RSPH14: variants seen among roughly 807,000 people sequenced by gnomAD.
The protein encoded by RSPH14 is rhabdoid tumor deletion region gene 1.
A neutral mutation model predicts 26.7 loss-of-function variants in RSPH14; 20 were observed. That is an observed-to-expected ratio of 0.75 (90% CI 0.53 to 1.09). The LOEUF (loss-of-function observed/expected upper bound fraction) is 1.09, where lower values mean the gene tolerates loss of function less well. RSPH14 is among the 50% of genes least tolerant of loss of function. RSPH14 has a pLI of 0.00. For missense variants in RSPH14, 449 were observed against 457.2 expected, an observed-to-expected ratio of 0.98 and a Z score of 0.16; for synonymous variants, 177 against 189.3, an observed-to-expected ratio of 0.93 and a Z score of 0.53.
the RSPH14 span, among the ~76,000 whole-genome samples, chr22:23,175,127 CT>C: frequency 2.7e-5 from 4 of 150,868 alleles, no homozygotes; most frequent in Non-Finnish European, 5.9e-5. Context: ...CTCCGAGTAG[CT>C]GGGACTACAG....
chr22:23,090,409 A>T (rs1452375686), intron 4 of RSPH14, among the ~76,000 whole-genome samples: 1 of 151,884 alleles, frequency 6.6e-6, no homozygotes, highest in Non-Finnish European at 1.5e-5. Flanking sequence ...CTCCCCTTTT[A>T]TCACCTGGAT....
chr22:23,085,928 C>T (rs920238177), intron 4 of RSPH14, among the ~76,000 whole-genome samples: 3 of 152,244 alleles, frequency 2.0e-5, no homozygotes, highest in Non-Finnish European at 4.4e-5. Context: ...AGTTTGGTGC[C>T]AACGTGGCTC....
At chr22:23,156,080 C>T in the RSPH14 span, 3 of 1,527,942 alleles carry the variant, frequency 2.0e-6, no homozygotes, top group Non-Finnish European at 2.7e-6. Context: ...GCAGCGGGGT[C>T]CCTGCCGGGC....
At chr22:23,132,250 T>C in intron 4 of RSPH14, among the ~76,000 whole-genome samples, 1 of 152,182 alleles carries the variant, frequency 6.6e-6, no homozygotes, top group East Asian at 1.9e-4. Flanking sequence ...TGGGCTACAA[T>C]ATCTGTTTGT....
At chr22:23,069,131 G>A (rs1288838768) in intron 4 of RSPH14, among the ~76,000 whole-genome samples, 1 of 152,220 alleles carries the variant, frequency 6.6e-6, no homozygotes, top group Non-Finnish European at 1.5e-5. Context: ...ATGATGCTGA[G>A]ATGCCACAGT....
the RSPH14 span, chr22:23,150,082 G>A: frequency 6.2e-7 from 1 of 1,611,512 alleles, no homozygotes; most frequent in Non-Finnish European, 8.5e-7. Flanking sequence ...CCGGAAGCCT[G>A]TTTGCAGCTC....
chr22:23,066,646 C>G (rs1266279887), intron 4 of RSPH14, among the ~76,000 whole-genome samples: 5 of 152,214 alleles, frequency 3.3e-5, no homozygotes, highest in Non-Finnish European at 7.3e-5. Flanking sequence ...CTATTTATAA[C>G]TAACCCAGAT....
At chr22:23,094,189 G>A (rs923795305) in intron 4 of RSPH14, among the ~76,000 whole-genome samples, 3 of 152,136 alleles carry the variant, frequency 2.0e-5, no homozygotes, top group Non-Finnish European at 2.9e-5. Flanking sequence ...GGCTGCGTGG[G>A]TCTCCGGACA....
the RSPH14 span, chr22:23,161,589 G>C: frequency 1.5e-5 from 24 of 1,561,982 alleles, no homozygotes; most frequent in African/African-American, 2.8e-4. Context: ...GAAGGCCTCC[G>C]CTCCCTGCAC....
chr22:23,124,212 T>G (rs1316524893), intron 4 of RSPH14: 1 of 212,050 alleles, frequency 4.7e-6, no homozygotes, highest in African/African-American at 2.4e-5. Context: ...TTTTGTTTTT[T>G]GGTTTTTTTT....
At chr22:23,167,288 C>A in the RSPH14 span, among the ~76,000 whole-genome samples, 1 of 152,196 alleles carries the variant, frequency 6.6e-6, no homozygotes, top group Non-Finnish European at 1.5e-5. Context: ...CTCAGGGTCC[C>A]CCAGCTGAGC....
At chr22:23,160,849 T>G in the RSPH14 span, 1 of 1,603,860 alleles carries the variant, frequency 6.2e-7, no homozygotes, top group South Asian at 1.1e-5. Context: ...GAAACACTGA[T>G]GAGGTCCCGG....
Position 23,062,318 on chromosome 22 carries a change from AG to A in RSPH14, c.654-374del, listed in dbSNP as rs573219909. Among the ~76,000 whole-genome samples, 766 of 152,358 alleles carry A rather than the reference AG, an allele frequency of 5.0e-3. 4 individuals are homozygous for A. Among genetic ancestry groups the A allele is most frequent in the African/African-American group, 0.018 (730 of 41,574 alleles). On this transcript the variant is annotated intron_variant, in intron 5 of 6. Coordinates refer to ENST00000216036, the MANE Select transcript of RSPH14 (RefSeq NM_014433.3). ...AGCCAGAGCTGACAGTGATGGGCCA[AG>A]CTGCCCCCAACAGCAGCAGCTGCCG...
At chr22:23,165,962 T>C in the RSPH14 span, among the ~76,000 whole-genome samples, 87 of 152,044 alleles carry the variant, frequency 5.7e-4, no homozygotes, top group South Asian at 1.9e-3. Context: ...CTGGCTAACA[T>C]GGTGAAACCC....
intron 4 of RSPH14, among the ~76,000 whole-genome samples, chr22:23,100,694 G>A (rs2146330655): frequency 6.6e-6 from 1 of 152,370 alleles, no homozygotes; most frequent in African/African-American, 2.4e-5. Flanking sequence ...AGAGGGCCTG[G>A]CACACAGTGG....
At chr22:23,081,777 G>A (rs5759581) in intron 4 of RSPH14, among the ~76,000 whole-genome samples, 47,870 of 141,288 alleles carry the variant, frequency 0.34, 8,764 homozygotes, top group African/African-American at 0.5. Flanking sequence ...AGCCGAGATC[G>A]TGCCACTGCA....
chr22:23,136,630 G>A lies in RSPH14; in HGVS notation c.302+2210C>T, dbSNP rs147780841. ...TCCTTACTACCATTCATTATAAGTA[G>A]GTTGATGCAAAAGTAATTGCGGTTT... On this transcript the variant is annotated intron_variant, in intron 3 of 6. Transcript: ENST00000216036. Among the ~76,000 whole-genome samples the A allele has an allele frequency of 1.4e-5, 2 of 138,576 alleles. 1 individual carries two copies. The highest frequency in any genetic ancestry group is 4.6e-4 in the East Asian group (2 of 4,392). The allele number at this position is 138,576 out of a possible 152,430, so 90.9% of individuals were successfully genotyped here. A position where few individuals can be genotyped will look rare whatever the true frequency, so the allele number is the denominator to read the frequency against.
At chr22:23,160,824 A>C in the RSPH14 span, 7 of 1,582,878 alleles carry the variant, frequency 4.4e-6, no homozygotes, top group Non-Finnish European at 6.0e-6. Context: ...ACCCAGATGC[A>C]TTAAGGGGCA....
Position 23,059,636 on chromosome 22 carries a change from A to C in RSPH14, c.873T>G (p.Asn291Lys), listed in dbSNP as rs2068048380. 6.2e-7 allele frequency: 1 copy of C among 1,608,832 alleles called. No individual in the cohort carries two copies. The highest frequency in any genetic ancestry group is 8.5e-7 in the Non-Finnish European group (1 of 1,177,618). ...CCAGCATGGTAAGGGCCTTGGTGGCATTCAGGCGCGCTATGGTCATGGGGG... is the reference window on the plus strand; with the variant it reads ...CCAGCATGGTAAGGGCCTTGGTGGCCTTCAGGCGCGCTATGGTCATGGGGG... Reference protein sequence around the residue: ...LHSPMTIARLNATKALTMLAE... With the variant: ...LHSPMTIARLKATKALTMLAE... Residue 291 changes from asparagine (N) to lysine (K), a missense_variant, in exon 7 of 7, where the codon AAT becomes AAG. By Grantham distance (94) the Asn-to-Lys change is moderately conservative. Transcript: ENST00000216036.
Sources: allele counts gnomAD v4.1 joint callset (sites outside exome capture counted in the v4.1 genomes callset), GRCh38; gene constraint gnomAD v4.1.1; transcripts MANE v1.5; gene names NCBI Gene and HGNC (gene_info 2026-07-23, HGNC 2026-07-21).